KHDC1: variants seen among roughly 807,000 people sequenced by gnomAD.
KHDC1 encodes the protein KH homology domain-containing protein 1.
In KHDC1, 21 loss-of-function variants were observed where a neutral mutation model predicts 24.7. That is an observed-to-expected ratio of 0.85 (90% CI 0.60 to 1.23). The LOEUF (loss-of-function observed/expected upper bound fraction) is 1.23. Among genes scored for constraint, KHDC1 ranks in the 50% most tolerant of loss-of-function variants. KHDC1 has a pLI of 0.00. For missense variants in KHDC1, 274 were observed against 298.5 expected (o/e 0.92, Z 0.61); for synonymous variants, 98 against 111.7 (o/e 0.88, Z 0.77).
intron 2 of KHDC1, among the ~76,000 whole-genome samples, chr6:73,261,014 A>C (rs1321334988): frequency 1.3e-5 from 2 of 151,984 alleles, no homozygotes; most frequent in African/African-American, 2.4e-5. Context: ...TTGTTCTATG[A>C]AACATTTTAG....
chr6:73,251,217 A>T (rs1375199255), intron 2 of KHDC1, among the ~76,000 whole-genome samples: 1 of 152,210 alleles, frequency 6.6e-6, no homozygotes, highest in Non-Finnish European at 1.5e-5. Context: ...CATGTAGCGA[A>T]AAATAAATAA....
At chr6:73,258,431 A>G (rs1766921809) in intron 2 of KHDC1, among the ~76,000 whole-genome samples, 1 of 152,140 alleles carries the variant, frequency 6.6e-6, no homozygotes, top group South Asian at 2.1e-4. Flanking sequence ...TGACAGAGAG[A>G]GACCCTGTCT....
chr6:73,263,220 G>A, intron 2 of KHDC1, 24 bp from the exon 1 acceptor site: 3 of 987,232 alleles, frequency 3.0e-6, no homozygotes, highest in Non-Finnish European at 3.6e-6. Flanking sequence ...CCGGAAGCGC[G>A]CGGCTGCGGC....
At chr6:73,299,187 C>G (rs534260465) in intron 1 of KHDC1, 2 of 152,452 alleles carry the variant, frequency 1.3e-5, no homozygotes, top group African/African-American at 2.4e-5. Flanking sequence ...GCAGCTGGAC[C>G]AGCACGGGGG....
chr6:73,292,981 C>T lies in KHDC1; in HGVS notation c.164-941G>A, dbSNP rs974935214. 10 of 936,904 alleles carry T rather than the reference C, an allele frequency of 1.1e-5. No individual in the cohort carries two copies. In the Admixed American group the frequency reaches 1.8e-4, roughly 17 times the overall value. 58.0% of individuals were successfully genotyped at this position (936,904 alleles called of 1,614,324 possible). A position where few individuals can be genotyped will look rare whatever the true frequency, so the allele number is the denominator to read the frequency against. Reference sequence around the variant, plus strand: ...TCATATTTGAGACTTTCTGTCACATCCACCAGTGTATCAGCATTAACATGT... The same window carrying T: ...TCATATTTGAGACTTTCTGTCACATTCACCAGTGTATCAGCATTAACATGT... On this transcript the variant is annotated intron_variant, in intron 1 of 4. Coordinates refer to ENST00000370384, the Ensembl canonical transcript of KHDC1.
chr6:73,256,007 A>T (rs1481753750), intron 2 of KHDC1, among the ~76,000 whole-genome samples: 1 of 152,052 alleles, frequency 6.6e-6, no homozygotes, highest in East Asian at 1.9e-4. Flanking sequence ...GAATGGAGTT[A>T]GAAATACTGT....
intron 1 of KHDC1, among the ~76,000 whole-genome samples, chr6:73,308,070 ATTTTTT>A (rs35521120): frequency 1.8e-5 from 2 of 111,980 alleles, no homozygotes; most frequent in African/African-American, 7.3e-5. Flanking sequence ...GGCCCAGCTA[ATTTTTT>A]TTTTTTTTTT....
chr6:73,302,632 G>A (rs73462547), intron 1 of KHDC1, among the ~76,000 whole-genome samples: 7,096 of 152,256 alleles, frequency 0.047, 418 homozygotes, highest in African/African-American at 0.13. Flanking sequence ...CATGTGTTGT[G>A]CTGTCACCAT....
chr6:73,277,472 A>G (rs1767318790), intron 2 of KHDC1, among the ~76,000 whole-genome samples: 1 of 152,192 alleles, frequency 6.6e-6, no homozygotes, highest in Non-Finnish European at 1.5e-5. Flanking sequence ...CTCCAAAAAA[A>G]ACAGAACAAG....
intron 2 of KHDC1, among the ~76,000 whole-genome samples, chr6:73,250,463 A>G (rs1344983008): frequency 1.3e-5 from 2 of 152,252 alleles, no homozygotes; most frequent in Non-Finnish European, 2.9e-5. Context: ...GGAAATAGCT[A>G]CAAGTATTTT....
chr6:73,270,098 A>G, intron 2 of KHDC1: 1 of 152,162 alleles, frequency 6.6e-6, no homozygotes, highest in South Asian at 2.1e-4. Flanking sequence ...TTAATAGGTT[A>G]TAACCTGTTT....
intron 1 of KHDC1, among the ~76,000 whole-genome samples, chr6:73,298,422 AATTTTT>A (rs1370867787): frequency 8.7e-6 from 1 of 115,046 alleles, no homozygotes. Flanking sequence ...ATACTTTGCA[AATTTTT>A]TTTTTTTTTT....
intron 2 of KHDC1, among the ~76,000 whole-genome samples, chr6:73,247,665 T>C (rs138721190): frequency 0.013 from 1,906 of 152,022 alleles, 46 homozygotes; most frequent in African/African-American, 0.044. Context: ...TAGACCAGCC[T>C]AGCCAGCATG....
chr6:73,293,323 A>C (rs1482100635), intron 1 of KHDC1: 2 of 531,830 alleles, frequency 3.8e-6, no homozygotes, highest in African/African-American at 2.0e-5. Flanking sequence ...AAGAAAGATG[A>C]AATAATAAAA....
chr6:73,278,659 A>G (rs1767347011), intron 2 of KHDC1, among the ~76,000 whole-genome samples: 1 of 152,158 alleles, frequency 6.6e-6, no homozygotes, highest in African/African-American at 2.4e-5. Flanking sequence ...TTGCATTATG[A>G]TTTTTATTTT....
intron 2 of KHDC1, among the ~76,000 whole-genome samples, chr6:73,267,256 G>A (rs1053425711): frequency 3.3e-5 from 5 of 152,168 alleles, no homozygotes; most frequent in African/African-American, 1.2e-4. Context: ...AAGGCAGGTG[G>A]ATCACCTAAG....
In KHDC1 at chr6:73,292,726, C is replaced by T. The variant is rs115521455; in HGVS notation, c.164-686G>A. 3,122 of 743,290 alleles carry T rather than the reference C, an allele frequency of 4.2e-3. 59 individuals are homozygous for T. In the African/African-American group the frequency reaches 0.047, roughly 11 times the overall value. 46.0% of individuals were successfully genotyped at this position (743,290 alleles called of 1,614,324 possible). A position where few individuals can be genotyped will look rare whatever the true frequency, so the allele number is the denominator to read the frequency against. On this transcript the variant is annotated intron_variant, in intron 1 of 4. Coordinates refer to ENST00000370384, the Ensembl canonical transcript of KHDC1. ...TTCTTCACTATTTGACTACAGCAGT[C>T]ATAGCAAACAAGGATGTTCGAAAAC...
intron 1 of KHDC1, chr6:73,292,461 G>A (rs1252853446): frequency 1.3e-6 from 1 of 772,790 alleles, no homozygotes; most frequent in African/African-American, 1.7e-5. Flanking sequence ...AATGCTGTAA[G>A]TTCACTCTGG....
At chr6:73,290,833 C>G (rs1024668357) in intron 2 of KHDC1, 113 of 333,650 alleles carry the variant, frequency 3.4e-4, no homozygotes, top group African/African-American at 2.4e-3. Context: ...GGTAACCTAC[C>G]TACCTACCAC....
Sources: gnomAD v4.1 joint callset for allele counts (sites outside exome capture counted in the v4.1 genomes callset) on GRCh38, gnomAD v4.1.1 for gene constraint, MANE v1.5 for transcripts, NCBI Gene and HGNC (gene_info 2026-07-23, HGNC 2026-07-21) for gene names.